PDE1A: variants seen among roughly 807,000 people sequenced by gnomAD.
The protein encoded by PDE1A is phosphodiesterase 1A.
PDE1A carries 35 observed loss-of-function variants against 61.7 expected under a neutral mutation model. The observed-to-expected ratio is 0.57, with a 90% CI of 0.43 to 0.75. The LOEUF (loss-of-function observed/expected upper bound fraction) is 0.75, where lower values mean the gene tolerates loss of function less well. PDE1A is among the 30% of genes least tolerant of loss of function. The pLI, the probability that PDE1A is intolerant of heterozygous loss-of-function variation, is 0.00. For missense variants in PDE1A, 597 were observed against 630.6 expected (o/e 0.95, Z 0.57); for synonymous variants, 232 against 213.2 (o/e 1.09, Z -0.77).
the PDE1A span, among the ~76,000 whole-genome samples, chr2:182,690,693 G>A: frequency 1.3e-5 from 2 of 152,274 alleles, no homozygotes; most frequent in African/African-American, 4.8e-5. Context: ...AATCGGGCAA[G>A]AGAAAGAAAT....
chr2:182,434,188 T>A (rs769517034), intron 2 of PDE1A, among the ~76,000 whole-genome samples: 50 of 152,076 alleles, frequency 3.3e-4, no homozygotes, highest in Non-Finnish European at 4.0e-4. Flanking sequence ...AAAAATATAT[T>A]TTTTCTCATA....
intron 13 of PDE1A, among the ~76,000 whole-genome samples, chr2:182,159,583 A>C (rs1201935465): frequency 1.1e-4 from 17 of 152,252 alleles, no homozygotes; most frequent in Admixed American, 1.1e-3. Context: ...ATCTTAAGCA[A>C]GTAATACTTT....
intron 2 of PDE1A, among the ~76,000 whole-genome samples, chr2:182,464,355 C>G (rs1686513373): frequency 2.0e-5 from 3 of 151,996 alleles, no homozygotes; most frequent in Admixed American, 2.0e-4. Flanking sequence ...CCAAAAACAG[C>G]AGCGATGAGT....
chr2:182,679,900 TA>T, the PDE1A span, among the ~76,000 whole-genome samples: 2 of 151,976 alleles, frequency 1.3e-5, no homozygotes, highest in African/African-American at 4.8e-5. Context: ...AAATGGTGGG[TA>T]GGGGGAAGAT....
rs557810912 is a variant in PDE1A, at chr2:182,409,166, T to C, written c.53+17412A>G. On this transcript the variant is annotated intron_variant, in intron 1 of 13. Coordinates refer to ENST00000351439, the Ensembl canonical transcript of PDE1A. Reference sequence around the variant, plus strand: ...AATCCTCCTCCCTTCTCCTTTTACATGCTTTTCCTTAAAATCGAATCCTTT... The same window carrying C: ...AATCCTCCTCCCTTCTCCTTTTACACGCTTTTCCTTAAAATCGAATCCTTT... Among the ~76,000 whole-genome samples the C allele has an allele frequency of 5.3e-5, 8 of 152,344 alleles. No homozygotes were observed. The South Asian group carries it at 1.0e-3, about 20-fold the overall frequency.
chr2:182,422,969 C>T (rs1363486530), intron 1 of PDE1A, among the ~76,000 whole-genome samples: 1 of 152,120 alleles, frequency 6.6e-6, no homozygotes, highest in Non-Finnish European at 1.5e-5. Flanking sequence ...AGTATTTCTC[C>T]TGAGGAAAAG....
At chr2:182,398,283 A>G (rs1701819044) in intron 1 of PDE1A, among the ~76,000 whole-genome samples, 1 of 152,016 alleles carries the variant, frequency 6.6e-6, no homozygotes, top group South Asian at 2.1e-4. Context: ...TCCATGAATT[A>G]CAACGCAAAC....
chr2:182,636,702 G>T, the PDE1A span, among the ~76,000 whole-genome samples: 1 of 152,222 alleles, frequency 6.6e-6, no homozygotes, highest in African/African-American at 2.4e-5. Flanking sequence ...TTATCTCACA[G>T]TTCTATAGTT....
intron 2 of PDE1A, among the ~76,000 whole-genome samples, chr2:182,516,497 A>C (rs960259747): frequency 6.6e-6 from 1 of 151,752 alleles, no homozygotes; most frequent in African/African-American, 2.4e-5. Context: ...CTAGATCTAT[A>C]AAAAAATTAG....
At chr2:182,433,207 C>G (rs758882754) in intron 2 of PDE1A, among the ~76,000 whole-genome samples, 1 of 152,046 alleles carries the variant, frequency 6.6e-6, no homozygotes, top group Non-Finnish European at 1.5e-5. Flanking sequence ...ATTGGCCACA[C>G]CATACCACCA....
At chr2:182,447,148 C>A (rs922932292) in intron 2 of PDE1A, among the ~76,000 whole-genome samples, 2 of 150,460 alleles carry the variant, frequency 1.3e-5, no homozygotes, top group East Asian at 3.9e-4. Context: ...CACAAACACA[C>A]ATACTCTATT....
intron 7 of PDE1A, among the ~76,000 whole-genome samples, chr2:182,210,520 G>A (rs1687494612): frequency 6.6e-6 from 1 of 152,144 alleles, no homozygotes; most frequent in Non-Finnish European, 1.5e-5. Context: ...TTATTGTTGA[G>A]TTTTAAGCAT....
the PDE1A span, among the ~76,000 whole-genome samples, chr2:182,578,648 G>T: frequency 1.6e-4 from 25 of 152,252 alleles, no homozygotes; most frequent in East Asian, 4.6e-3. Context: ...CAATAGAAAA[G>T]TATACTGCTA....
At chr2:182,178,084 T>C (rs1408647431) in intron 13 of PDE1A, among the ~76,000 whole-genome samples, 1 of 152,200 alleles carries the variant, frequency 6.6e-6, no homozygotes, top group African/African-American at 2.4e-5. Flanking sequence ...GCTGATCTGG[T>C]TTTGTTTCTA....
intron 1 of PDE1A, among the ~76,000 whole-genome samples, chr2:182,384,680 T>C (rs1190871735): frequency 6.6e-6 from 1 of 151,580 alleles, no homozygotes; most frequent in African/African-American, 2.4e-5. Flanking sequence ...TGGAACAGCA[T>C]CAAAAGAGCA....
intron 2 of PDE1A, among the ~76,000 whole-genome samples, chr2:182,488,352 G>A (rs931703030): frequency 9.9e-5 from 15 of 152,086 alleles, no homozygotes; most frequent in Middle Eastern, 3.4e-3. Flanking sequence ...TCACAACTGC[G>A]ACCTTCTGAA....
At chr2:182,281,662 A>G (rs746764499) in intron 1 of PDE1A, among the ~76,000 whole-genome samples, 8 of 151,966 alleles carry the variant, frequency 5.3e-5, no homozygotes, top group Non-Finnish European at 8.8e-5. Context: ...AAATCAGTGG[A>G]GTGTGATAAA....
At chr2:182,561,589 G>A in the PDE1A span, among the ~76,000 whole-genome samples, 1 of 152,160 alleles carries the variant, frequency 6.6e-6, no homozygotes, top group African/African-American at 2.4e-5. Context: ...CCAATTCTGT[G>A]AAGAAAGGCA....
the PDE1A span, among the ~76,000 whole-genome samples, chr2:182,594,370 A>G: frequency 6.6e-6 from 1 of 152,226 alleles, no homozygotes; most frequent in African/African-American, 2.4e-5. Flanking sequence ...GATTTAAGCA[A>G]TTGTTGAAGA....
Sources: allele counts gnomAD v4.1 joint callset (sites outside exome capture counted in the v4.1 genomes callset), GRCh38; gene constraint gnomAD v4.1.1; transcripts MANE v1.5; gene names NCBI Gene and HGNC (gene_info 2026-07-23, HGNC 2026-07-21).